IL1RAPL2: variants seen among roughly 807,000 people sequenced by gnomAD.
IL1RAPL2 encodes X-linked interleukin-1 receptor accessory protein-like 2.
In IL1RAPL2, 3 loss-of-function variants were observed where a neutral mutation model predicts 44.1. The ratio of observed to expected loss-of-function variants is 0.07; its 90% CI spans 0.03 to 0.18. The LOEUF (loss-of-function observed/expected upper bound fraction) is 0.18. Among genes scored for constraint, IL1RAPL2 ranks in the 10% least tolerant of loss-of-function variants. The pLI is 1.00. For synonymous variants in IL1RAPL2, 181 were observed against 178.8 expected (o/e 1.01, Z -0.10); for missense variants, 391 against 496.4 (o/e 0.79, Z 2.02).
rs776280075 is a variant in IL1RAPL2 at position 104,902,439 on chromosome X, G to C, written c.82+243444G>C. The stretch of plus-strand genomic sequence containing the variant: ...CACAGATTGAACGAGCCCTCATCAA[G>C]AGTAAGAAAAAAAATTTCTCTAGGT... On this transcript the variant is annotated intron_variant, in intron 2 of 10. Transcript: ENST00000372582. Among the ~76,000 whole-genome samples the C allele has an allele frequency of 1.4e-3, 159 of 111,887 alleles. 1 individual carries two copies. The highest frequency in any genetic ancestry group is 4.8e-3 in the African/African-American group (148 of 30,869).
chrX:105,623,748 A>G (rs2147832196), intron 6 of IL1RAPL2, among the ~76,000 whole-genome samples: 1 of 111,730 alleles, frequency 9.0e-6, no homozygotes, highest in Admixed American at 9.5e-5. Context: ...TTATTTGAGC[A>G]CTGCTAAAAA....
At chrX:105,423,867 T>TAAA (rs111770482) in intron 5 of IL1RAPL2, among the ~76,000 whole-genome samples, 1 of 86,116 alleles carries the variant, frequency 1.2e-5, no homozygotes, top group South Asian at 5.2e-4. Context: ...TGGAAACAAG[T>TAAA]AAAAAAAAAA....
At chrX:105,184,482 CA>C (rs2033565573) in intron 2 of IL1RAPL2, among the ~76,000 whole-genome samples, 1 of 95,838 alleles carries the variant, frequency 1.0e-5, no homozygotes, top group South Asian at 4.6e-4. Context: ...TAAATACATA[CA>C]CATTTATAAA....
At chrX:105,021,989 G>A (rs2031288774) in intron 2 of IL1RAPL2, among the ~76,000 whole-genome samples, 1 of 110,777 alleles carries the variant, frequency 9.0e-6, no homozygotes. Context: ...GTAGGAATTG[G>A]TAAGTGTATG....
chrX:105,204,970 A>AT (rs2033748635), intron 3 of IL1RAPL2, among the ~76,000 whole-genome samples: 1 of 111,889 alleles, frequency 8.9e-6, no homozygotes, highest in African/African-American at 3.3e-5. Flanking sequence ...GGTGTTGAGT[A>AT]AATGCATTGA....
intron 3 of IL1RAPL2, among the ~76,000 whole-genome samples, chrX:105,204,500 C>T (rs922846737): frequency 8.9e-6 from 1 of 111,815 alleles, no homozygotes; most frequent in Non-Finnish European, 1.9e-5. Flanking sequence ...AATATCCATT[C>T]AATGCTTATA....
chrX:104,953,715 TATC>T (rs767771252), intron 2 of IL1RAPL2, among the ~76,000 whole-genome samples: 25 of 111,607 alleles, frequency 2.2e-4, no homozygotes, highest in Non-Finnish European at 4.0e-4. Context: ...TTTTTTCTCT[TATC>T]AACTATTATC....
At chrX:104,633,313 G>T (rs1207211550) in intron 1 of IL1RAPL2, among the ~76,000 whole-genome samples, 19 of 110,951 alleles carry the variant, frequency 1.7e-4, no homozygotes, top group South Asian at 3.8e-4. Flanking sequence ...TTTTTTTGTT[G>T]TCTCTCTGCC....
intron 1 of IL1RAPL2, among the ~76,000 whole-genome samples, chrX:104,616,543 A>C (rs894389115): frequency 1.8e-5 from 2 of 112,088 alleles, no homozygotes; most frequent in African/African-American, 6.5e-5. Flanking sequence ...GGAGGCTACA[A>C]GTTTCTGACC....
intron 6 of IL1RAPL2, among the ~76,000 whole-genome samples, chrX:105,555,105 G>A (rs1249774416): frequency 1.0e-5 from 1 of 99,365 alleles, no homozygotes; most frequent in African/African-American, 3.7e-5. Flanking sequence ...TTGCCTTGTA[G>A]ATTTTTACCC....
rs1923767225 is a variant in IL1RAPL2 at position 104,900,007 on chromosome X, C to T, written c.82+241012C>T. Among the ~76,000 whole-genome samples, 4 of 112,062 alleles carry T rather than the reference C, an allele frequency of 3.6e-5. No homozygotes were observed. In the Admixed American group the frequency reaches 3.8e-4, roughly 11 times the overall value. On this transcript the variant is annotated intron_variant, in intron 2 of 10. Transcript: ENST00000372582. ...TGCTGCATTATGGGTACAGATTTTA[C>T]TAACAGCCATAATACACAATTTAAT...
At chrX:105,476,586 A>G (rs774800777) in intron 5 of IL1RAPL2, among the ~76,000 whole-genome samples, 16 of 112,103 alleles carry the variant, frequency 1.4e-4, no homozygotes, top group Non-Finnish European at 2.8e-4. Flanking sequence ...TTGAGTTAAT[A>G]AACAGTCCAT....
intron 2 of IL1RAPL2, among the ~76,000 whole-genome samples, chrX:104,800,099 A>G (rs1383107634): frequency 9.0e-6 from 1 of 110,571 alleles, no homozygotes; most frequent in Non-Finnish European, 1.9e-5. Context: ...ATTTAACTTG[A>G]TTAAGGAAAT....
rs368124243 is a variant in IL1RAPL2 at position 105,386,547 on chromosome X, G to A, written c.698-97766G>A. ...AATCATAAACGAATATGTAAAAGCTGGCACTTAAATAATGCAATAGTATCA... is the reference window on the plus strand; with the variant it reads ...AATCATAAACGAATATGTAAAAGCTAGCACTTAAATAATGCAATAGTATCA... On this transcript the variant is annotated intron_variant, in intron 5 of 10. Coordinates refer to ENST00000372582, the MANE Select transcript of IL1RAPL2 (RefSeq NM_017416.2). 6.3e-5 allele frequency among the ~76,000 whole-genome samples: 7 copies of A among 111,332 alleles called. No homozygotes were observed. In the East Asian group the frequency reaches 1.7e-3, roughly 27 times the overall value.
At chrX:105,568,669 A>AT (rs1323134475) in intron 6 of IL1RAPL2, among the ~76,000 whole-genome samples, 1 of 112,106 alleles carries the variant, frequency 8.9e-6, no homozygotes, top group Non-Finnish European at 1.9e-5. Context: ...AGGAGAGGGA[A>AT]TTTTTTGTTC....
intron 2 of IL1RAPL2, among the ~76,000 whole-genome samples, chrX:104,956,948 C>T (rs1318734722): frequency 8.9e-6 from 1 of 112,047 alleles, no homozygotes; most frequent in African/African-American, 3.2e-5. Context: ...AGGTATCCTA[C>T]TCTAAGGGGC....
chrX:105,681,203 C>T, intron 6 of IL1RAPL2, among the ~76,000 whole-genome samples: 1 of 111,122 alleles, frequency 9.0e-6, no homozygotes, highest in Middle Eastern at 4.7e-3. Flanking sequence ...TTTCATGACC[C>T]TCTTTGGAGA....
intron 2 of IL1RAPL2, among the ~76,000 whole-genome samples, chrX:104,967,450 A>G (rs2030146906): frequency 9.0e-6 from 1 of 111,400 alleles, no homozygotes; most frequent in Non-Finnish European, 1.9e-5. Context: ...ATATTAAAAA[A>G]TAAAAGGTTA....
At chrX:105,132,260 A>G (rs922694820) in intron 2 of IL1RAPL2, among the ~76,000 whole-genome samples, 7 of 110,451 alleles carry the variant, frequency 6.3e-5, no homozygotes, top group Admixed American at 5.8e-4. Flanking sequence ...GCTCTACCAC[A>G]TATTTATTTA....
Sources: gnomAD v4.1 joint callset for allele counts (sites outside exome capture counted in the v4.1 genomes callset) on GRCh38, gnomAD v4.1.1 for gene constraint, MANE v1.5 for transcripts, NCBI Gene and HGNC (gene_info 2026-07-23, HGNC 2026-07-21) for gene names.